Variants in MYH13 observed in about 807,000 individuals in gnomAD.
The protein encoded by MYH13 is myosin heavy chain 13, also known as myosin-13.
In MYH13, 177 loss-of-function variants were observed where a neutral mutation model predicts 232.1. The ratio of observed to expected loss-of-function variants is 0.76; its 90% confidence interval spans 0.67 to 0.86. The LOEUF is 0.86. Among genes scored for constraint, MYH13 ranks in the 40% least tolerant of loss-of-function variants. The pLI is 0.00. For missense variants in MYH13, 2,246 were observed against 2,405.9 expected (o/e 0.93, Z 1.39); for synonymous variants, 884 against 923.5 (o/e 0.96, Z 0.78).
rs1004885421 is a variant in MYH13, at chr17:10,324,546, A to C, written c.2692-282T>G. On this transcript the variant is annotated intron_variant, in intron 22 of 40. Transcript: ENST00000252172. ...CTGCAACCTCTGCCTCCCAGGTTCT[A>C]GCGATTCCCTGCCTCAGCCTCCCGA... 5.7e-4 allele frequency among the ~76,000 whole-genome samples: 87 copies of C among 152,168 alleles called. 2 individuals are homozygous for C. Among genetic ancestry groups the C allele is most frequent in the African/African-American group, 1.9e-3 (78 of 41,506 alleles).
chr17:10,307,883 G>T (rs985807976), intron 35 of MYH13, among the ~76,000 whole-genome samples: 4 of 152,100 alleles, frequency 2.6e-5, no homozygotes, highest in Admixed American at 2.0e-4. Flanking sequence ...TAGTTATGAG[G>T]AAGTTCATCA....
At position 10,345,664 on chromosome 17, in the gene MYH13, CT is replaced by C. The variant is rs754914575; in HGVS notation, c.1264-49del. On this transcript the variant is annotated intron_variant, in intron 13 of 40. Transcript: ENST00000252172. The stretch of plus-strand genomic sequence containing the variant: ...AACCCTTGAGTTAGTGTTTCTATGG[CT>C]GCATTAAGTTGAAACATATGAAATT... 20 of 1,613,542 alleles carry C rather than the reference CT, an allele frequency of 1.2e-5. No homozygotes were observed. In the African/African-American group the frequency reaches 1.9e-4, roughly 15 times the overall value.
At position 10,364,434 on chromosome 17, in the gene MYH13, C is replaced by A. The variant is rs369233539; in HGVS notation, c.97G>T (p.Asp33Tyr). Residue 33 changes from aspartate to tyrosine, a missense_variant, in exon 3 of 41, where the codon GAT becomes TAT. Transcript: ENST00000252172. ...GCTACAAAGCAGGCTTTCTTGGAAT[C>A]GAATGGACGATTTTGAGCCTCGATT... ...ERIEAQNRPF[D>Y]SKKACFVADN... 10 of 1,613,240 alleles carry A rather than the reference C, an allele frequency of 6.2e-6. No individual in the cohort carries two copies. The Admixed American group carries it at 1.3e-4, about 22-fold the overall frequency.
chr17:10,345,192 ATC>A lies in MYH13; in HGVS notation c.1584+8_1584+9del, dbSNP rs761116448. ...AGGAGGAGCTGTCCCAGGCAGCAGT[ATC>A]TCTCTACCTTCTCGATGAGCTCGAT... On this transcript the variant is annotated splice_region_variant and intron_variant, in intron 15 of 40. Transcript: ENST00000252172. The A allele has an allele frequency of 1.9e-6, 3 of 1,614,078 alleles. No individual in the cohort carries two copies. Among genetic ancestry groups the A allele is most frequent in the South Asian group, 2.2e-5 (2 of 91,078 alleles).
intron 40 of MYH13, among the ~76,000 whole-genome samples, chr17:10,301,264 A>C (rs1479355566): frequency 2.0e-5 from 3 of 152,132 alleles, no homozygotes; most frequent in Non-Finnish European, 4.4e-5. Context: ...GTCTTTGCTC[A>C]AACAGTAGCA....
chr17:10,354,687 G>A lies in MYH13; in HGVS notation c.998C>T (p.Ala333Val), dbSNP rs778362990. 1.1e-5 allele frequency: 17 copies of A among 1,612,510 alleles called. No individual in the cohort carries two copies. The highest frequency in any genetic ancestry group is 4.0e-5 in the African/African-American group (3 of 74,866). The change falls in exon 11 of 41, where the codon GCG (alanine) becomes GTG (valine). Residue 333 changes from alanine (A) to valine (V), a missense_variant. Transcript: ENST00000252172. ...ASIDDSEELL[A>V]TDNAIDILGF... ...AATAAATGGCATGCTTACATCTGTC[G>A]CCAGCAGTTCTTCACTGTCATCGAT...
In MYH13 at chr17:10,306,898, A is replaced by C; in HGVS notation, c.5295+41T>G. On this transcript the variant is annotated intron_variant, in intron 36 of 40. Coordinates refer to ENST00000252172, the MANE Select transcript of MYH13 (RefSeq NM_003802.3). The surrounding 1 kb of genome is among the most constrained non-coding windows in gnomAD (Gnocchi z 4.3). Reference sequence around the variant, plus strand: ...CCTGGCTCAGAGGCCCCACTTTCTCAGTTCCAAACCCCATCTCTGAAAAGG... The same window carrying C: ...CCTGGCTCAGAGGCCCCACTTTCTCCGTTCCAAACCCCATCTCTGAAAAGG... 1 of 1,609,692 alleles carries C rather than the reference A, an allele frequency of 6.2e-7. No homozygotes were observed. The highest frequency in any genetic ancestry group is 1.7e-5 in the Admixed American group (1 of 59,546).
Position 10,323,118 on chromosome 17 carries a change from A to G in MYH13, c.2934+904T>C, listed in dbSNP as rs551193866. On this transcript the variant is annotated intron_variant, in intron 23 of 40. Transcript: ENST00000252172. ...CCAGCTGTCTCCCGCAAGCAATGCC[A>G]CTACAAACACCCTAGGACATGTCGC... Among the ~76,000 whole-genome samples, 3 of 152,262 alleles carry G rather than the reference A, an allele frequency of 2.0e-5. No homozygotes were observed. The East Asian group carries it at 5.8e-4, about 29-fold the overall frequency.
Position 10,323,792 on chromosome 17 carries a change from AGAAGAAG to A in MYH13, c.2934+223_2934+229del, listed in dbSNP as rs1567661486. Among the ~76,000 whole-genome samples the A allele has an allele frequency of 2.5e-3, 150 of 59,500 alleles. 5 individuals carry two copies. Among genetic ancestry groups the A allele is most frequent in the Admixed American group, 0.018 (104 of 5,912 alleles). 39.0% of individuals were successfully genotyped at this position (59,500 alleles called of 152,430 possible). ...AAAAAAAAAAAAAAAAAAAAAAAGA[AGAAGAAG>A]AAGAAGAAGAAGAAGAAGAAGAAGA... On this transcript the variant is annotated intron_variant, in intron 23 of 40. Coordinates refer to ENST00000252172, the MANE Select transcript of MYH13 (RefSeq NM_003802.3).
Position 10,321,586 on chromosome 17 carries a change from ATCT to A in MYH13, c.3054_3056del (p.Glu1018del). ...TTATTTTGATTAGACCATTGACTTTATCTTCTTCCACCTGAAGATCATCCAGTG... is the reference window on the plus strand; with the variant it reads ...TTATTTTGATTAGACCATTGACTTTATCTTCCACCTGAAGATCATCCAGTG... On this transcript the variant is annotated inframe_deletion, in exon 24 of 41. Transcript: ENST00000252172. 1 of 1,613,862 alleles carries A rather than the reference ATCT, an allele frequency of 6.2e-7. No homozygotes were observed. The highest frequency in any genetic ancestry group is 8.5e-7 in the Non-Finnish European group (1 of 1,179,830).
chr17:10,320,967 A>C (rs2074878), intron 24 of MYH13, among the ~76,000 whole-genome samples: 21,853 of 152,242 alleles, frequency 0.14, 1,978 homozygotes, highest in East Asian at 0.41. Flanking sequence ...GAACAGGAAA[A>C]GGGTGTAGAG....
chr17:10,307,168 T>C, intron 35 of MYH13, 104 bp from the exon 36 acceptor site: 1 of 1,414,772 alleles, frequency 7.1e-7, no homozygotes, highest in East Asian at 2.4e-5. Flanking sequence ...TCCTGTTCCA[T>C]TTCTTATTTT....
intron 11 of MYH13, among the ~76,000 whole-genome samples, chr17:10,351,220 CAA>C (rs761244522): frequency 1.9e-4 from 14 of 72,688 alleles, no homozygotes; most frequent in African/African-American, 3.6e-4. Context: ...GACTCCATCT[CAA>C]AAAAAAAAAA....
intron 21 of MYH13, among the ~76,000 whole-genome samples, chr17:10,329,209 CAGTT>C (rs1459119215): frequency 2.6e-5 from 4 of 152,128 alleles, no homozygotes; most frequent in Non-Finnish European, 4.4e-5. Flanking sequence ...ATGGCTCTGA[CAGTT>C]AGAGCCACAC....
intron 18 of MYH13, among the ~76,000 whole-genome samples, chr17:10,338,622 T>C (rs1029119235): frequency 1.3e-5 from 2 of 151,910 alleles, no homozygotes; most frequent in African/African-American, 4.8e-5. Flanking sequence ...ATTTGCAAAG[T>C]GAGTAACCAC....
At chr17:10,355,612 C>T (rs984977377) in intron 8 of MYH13, among the ~76,000 whole-genome samples, 2 of 152,246 alleles carry the variant, frequency 1.3e-5, no homozygotes, top group African/African-American at 2.4e-5. Context: ...GCCCAGTGCT[C>T]CCAAGCTGGG....
rs117523543 is a variant in MYH13, at chr17:10,313,978, G to T, written c.3985-624C>A. Among the ~76,000 whole-genome samples, 326 of 152,302 alleles carry T rather than the reference G, an allele frequency of 2.1e-3. 4 individuals carry two copies. The East Asian group carries it at 0.026, about 12-fold the overall frequency. On this transcript the variant is annotated intron_variant, in intron 29 of 40. Transcript: ENST00000252172. Reference sequence around the variant, plus strand: ...CTAGGCAGAGAAGACATGCCTAGAGGCCTCCATCCCTCACTCCCTCCCATT... The same window carrying T: ...CTAGGCAGAGAAGACATGCCTAGAGTCCTCCATCCCTCACTCCCTCCCATT...
chr17:10,319,656 G>A (rs1296091585), intron 26 of MYH13, among the ~76,000 whole-genome samples: 2 of 152,142 alleles, frequency 1.3e-5, no homozygotes, highest in East Asian at 1.9e-4. Context: ...ACAAATCCAC[G>A]TCTATCATGG....
intron 21 of MYH13, among the ~76,000 whole-genome samples, chr17:10,328,929 T>C (rs1045918419): frequency 6.6e-6 from 1 of 152,110 alleles, no homozygotes; most frequent in Admixed American, 6.6e-5. Flanking sequence ...CTGCCCGCCT[T>C]GGCCTCCCAA....
Sources: gnomAD v4.1 joint callset for allele counts (sites outside exome capture counted in the v4.1 genomes callset) on GRCh38, gnomAD v4.1.1 for gene constraint, Gnocchi (gnomAD v3.1) non-coding constraint, MANE v1.5 for transcripts, NCBI Gene and HGNC (gene_info 2026-07-23, HGNC 2026-07-21) for gene names.